The following LRRC37A2 variants were observed in gnomAD, a reference collection of about 807,000 sequenced individuals.
LRRC37A2 encodes leucine-rich repeat-containing protein 37A2.
LRRC37A2 carries 9 observed loss-of-function variants against 68.8 expected under a neutral mutation model. That is an observed-to-expected ratio of 0.13 (90% CI 0.08 to 0.23). The LOEUF is 0.23. LRRC37A2 is among the 10% of genes least tolerant of loss of function. The pLI, the probability that LRRC37A2 is intolerant of heterozygous loss-of-function variation, is 1.00. For missense variants in LRRC37A2, 168 were observed against 950.4 expected (o/e 0.18, Z 10.82); for synonymous variants, 63 against 367.6 (o/e 0.17, Z 9.48).
the LRRC37A2 span, among the ~76,000 whole-genome samples, chr17:46,988,362 A>G: frequency 6.6e-6 from 1 of 152,324 alleles, no homozygotes; most frequent in East Asian, 1.9e-4. Context: ...TGATGGGTAC[A>G]AGGTTTCCTT....
the LRRC37A2 span, among the ~76,000 whole-genome samples, chr17:46,805,949 G>C: frequency 7.0e-3 from 1,069 of 152,292 alleles, 15 homozygotes; most frequent in Non-Finnish European, 0.011. Context: ...TGGAGCCTTC[G>C]GCAATGGAAT....
chr17:46,428,925 CAAAAAAAAAAAAAAAAAAAAAAAAAA>C, the LRRC37A2 span, among the ~76,000 whole-genome samples: 1 of 6,868 alleles, frequency 1.5e-4, no homozygotes, highest in Non-Finnish European at 2.2e-4. Context: ...GACTCCATCT[CAAAAAAAAAAAAAAAAAAAAAAAAAA>C]AAAAAAAAAA....
the LRRC37A2 span, chr17:46,930,787 G>T: frequency 1.1e-5 from 3 of 274,716 alleles, no homozygotes; most frequent in African/African-American, 6.7e-5. Context: ...TTAGCTTAAA[G>T]TATTTATTTG....
the LRRC37A2 span, among the ~76,000 whole-genome samples, chr17:46,953,579 G>T: frequency 2.9e-4 from 44 of 152,178 alleles, no homozygotes; most frequent in South Asian, 8.7e-3. Flanking sequence ...GGGATGGCTG[G>T]GTCAAATGGT....
the LRRC37A2 span, among the ~76,000 whole-genome samples, chr17:46,849,779 C>T: frequency 6.6e-6 from 1 of 152,180 alleles, no homozygotes; most frequent in Non-Finnish European, 1.5e-5. Context: ...AACACCATCA[C>T]ACCCCAGTCC....
the LRRC37A2 span, among the ~76,000 whole-genome samples, chr17:46,752,404 A>G: frequency 6.6e-6 from 1 of 152,172 alleles, no homozygotes; most frequent in South Asian, 2.1e-4. Flanking sequence ...TATTGAGTCC[A>G]CAGCCCCTGG....
At chr17:46,811,908 GA>G in the LRRC37A2 span, among the ~76,000 whole-genome samples, 8 of 152,192 alleles carry the variant, frequency 5.3e-5, no homozygotes, top group Non-Finnish European at 8.8e-5. Context: ...AGTGAGCCAA[GA>G]TTGTGCCACT....
the LRRC37A2 span, among the ~76,000 whole-genome samples, chr17:46,841,899 G>C: frequency 7.0e-4 from 107 of 152,188 alleles, no homozygotes; most frequent in African/African-American, 2.4e-3. Flanking sequence ...TGCGGTGTGT[G>C]GGGGGGTCTC....
the LRRC37A2 span, chr17:46,978,593 T>C: frequency 2.6e-6 from 4 of 1,532,250 alleles, no homozygotes; most frequent in Non-Finnish European, 3.5e-6. Context: ...AGGGTCCGGG[T>C]CTCCGGGGTC....
the LRRC37A2 span, among the ~76,000 whole-genome samples, chr17:47,025,279 A>T: frequency 1.3e-5 from 2 of 152,226 alleles, no homozygotes; most frequent in African/African-American, 4.8e-5. Context: ...ACTAAAGTTA[A>T]CTTCAGATTG....
the LRRC37A2 span, among the ~76,000 whole-genome samples, chr17:46,785,039 A>G: frequency 6.6e-6 from 1 of 151,902 alleles, no homozygotes; most frequent in Non-Finnish European, 1.5e-5. Flanking sequence ...GGCCTCCCAA[A>G]GTGCTGGGAT....
the LRRC37A2 span, among the ~76,000 whole-genome samples, chr17:46,743,324 A>G: frequency 6.6e-6 from 1 of 152,166 alleles, no homozygotes; most frequent in South Asian, 2.1e-4. Context: ...GCAGAGGACT[A>G]TTCTTCAGGT....
At chr17:46,900,184 T>TAC in the LRRC37A2 span, among the ~76,000 whole-genome samples, 1,661 of 122,090 alleles carry the variant, frequency 0.014, 72 homozygotes, top group African/African-American at 0.066. Context: ...TATATATATA[T>TAC]ATATATATAT....
chr17:46,908,812 G>T, the LRRC37A2 span, among the ~76,000 whole-genome samples: 1 of 152,132 alleles, frequency 6.6e-6, no homozygotes, highest in Non-Finnish European at 1.5e-5. Flanking sequence ...GCTCACCTGG[G>T]ACTGCCCTCA....
chr17:46,792,984 G>A, the LRRC37A2 span, among the ~76,000 whole-genome samples: 1 of 152,020 alleles, frequency 6.6e-6, no homozygotes, highest in African/African-American at 2.4e-5. Context: ...AGCAGTGAGG[G>A]CTGAGGGAGG....
the LRRC37A2 span, among the ~76,000 whole-genome samples, chr17:46,610,023 TTCTTTC>T: frequency 8.6e-5 from 7 of 81,312 alleles, 1 homozygote; most frequent in Middle Eastern, 9.8e-3. Context: ...CTTTCTTTCT[TTCTTTC>T]TCTCTCTCTC....
chr17:46,804,975 T>C, the LRRC37A2 span, among the ~76,000 whole-genome samples: 1 of 128,674 alleles, frequency 7.8e-6, no homozygotes, highest in Non-Finnish European at 1.6e-5. Context: ...TTCCATGCTG[T>C]GGAAACTTTG....
At chr17:46,861,430 C>T in the LRRC37A2 span, among the ~76,000 whole-genome samples, 1 of 152,192 alleles carries the variant, frequency 6.6e-6, no homozygotes, top group Non-Finnish European at 1.5e-5. Flanking sequence ...TCCCTCTGTG[C>T]CCTGTCCCAT....
the LRRC37A2 span, among the ~76,000 whole-genome samples, chr17:46,882,869 C>T: frequency 2.0e-5 from 3 of 152,120 alleles, no homozygotes; most frequent in African/African-American, 7.2e-5. Flanking sequence ...GCACGGTGTC[C>T]AGCACTCCAA....
Sources: gnomAD v4.1 joint callset for allele counts (sites outside exome capture counted in the v4.1 genomes callset) on GRCh38, gnomAD v4.1.1 for gene constraint, MANE v1.5 for transcripts, NCBI Gene and HGNC (gene_info 2026-07-23, HGNC 2026-07-21) for gene names.